UGT1A8: variants seen among roughly 807,000 people sequenced by gnomAD.
The protein encoded by UGT1A8 is UDP-glucuronosyltransferase 1A8.
Under a neutral mutation model 45.3 loss-of-function variants are expected in UGT1A8, and 39 were observed. That is an observed-to-expected ratio of 0.86 (90% confidence interval 0.67 to 1.12). The LOEUF (loss-of-function observed/expected upper bound fraction) is 1.12. Ranked by LOEUF, UGT1A8 falls within the 50% of genes most tolerant of loss-of-function variation. The pLI, the probability that UGT1A8 is intolerant of heterozygous loss-of-function variation, is 0.00. For synonymous variants in UGT1A8, 275 were observed against 249.2 expected, an observed-to-expected ratio of 1.10 and a Z score of -0.97; for missense variants, 719 against 664.9, an observed-to-expected ratio of 1.08 and a Z score of -0.90.
At position 233,713,306 on chromosome 2, in the gene UGT1A8, T is replaced by C. The variant is rs756011184; in HGVS notation, c.856-53728T>C. The C allele has an allele frequency of 9.9e-6, 16 of 1,614,116 alleles. No homozygotes were observed. In the African/African-American group the frequency reaches 1.7e-4, roughly 17 times the overall value. ...CTCAATCGTTCTTTGAAACAGAACA[T>C]CTTCTGATGAAATTTTCTAGAAGAA... On this transcript the variant is annotated intron_variant, in intron 1 of 4. Transcript: ENST00000373450.
chr2:233,648,726 A>G (rs1223975665), intron 1 of UGT1A8: 2 of 486,090 alleles, frequency 4.1e-6, no homozygotes, highest in Admixed American at 2.6e-5. Flanking sequence ...GGCCTCCCAA[A>G]GTGCTGGAAT....
At chr2:233,693,908 G>T in intron 1 of UGT1A8, 1 of 1,612,956 alleles carries the variant, frequency 6.2e-7, no homozygotes, top group South Asian at 1.1e-5. Context: ...TTTCTTCCAG[G>T]CTCTGTCCTC....
chr2:233,662,832 T>G (rs1321445887), intron 1 of UGT1A8, among the ~76,000 whole-genome samples: 2 of 145,300 alleles, frequency 1.4e-5, no homozygotes, highest in East Asian at 1.9e-4. Flanking sequence ...TTTTTTTTTT[T>G]GTCAGATATG....
At chr2:233,746,129 C>T (rs191765409) in intron 1 of UGT1A8, among the ~76,000 whole-genome samples, 2 of 151,948 alleles carry the variant, frequency 1.3e-5, no homozygotes, top group East Asian at 3.9e-4. Flanking sequence ...AAACTGTGGA[C>T]TGGCACCTGA....
chr2:233,742,472 C>T (rs1248700519), intron 1 of UGT1A8, among the ~76,000 whole-genome samples: 4 of 151,922 alleles, frequency 2.6e-5, no homozygotes. Flanking sequence ...TTCCAGTAAA[C>T]TCACAACCTT....
chr2:233,636,136 C>T (rs2073285100), intron 1 of UGT1A8, among the ~76,000 whole-genome samples: 1 of 150,918 alleles, frequency 6.6e-6, no homozygotes, highest in African/African-American at 2.5e-5. Flanking sequence ...TGGCTAAAGT[C>T]AAAATCTAAA....
chr2:233,672,589 T>C (rs1226858961), intron 1 of UGT1A8: 1 of 1,613,940 alleles, frequency 6.2e-7, no homozygotes, highest in South Asian at 1.1e-5. Context: ...GGAACATTTA[T>C]TATGCCACCG....
intron 1 of UGT1A8, chr2:233,719,315 G>A (rs768997881): frequency 1.2e-6 from 2 of 1,613,980 alleles, no homozygotes; most frequent in Non-Finnish European, 1.7e-6. Context: ...CTAAGTACCT[G>A]TCGATTCCTG....
rs1267611137 is a variant in UGT1A8 at position 233,724,759 on chromosome 2, C to T, written c.856-42275C>T. 1.5e-4 allele frequency among the ~76,000 whole-genome samples: 22 copies of T among 143,568 alleles called. 2 individuals are homozygous for T. Among genetic ancestry groups the T allele is most frequent in the East Asian group, 4.4e-4 (2 of 4,564 alleles). 94.2% of individuals were successfully genotyped at this position (143,568 alleles called of 152,430 possible). A position where few individuals can be genotyped will look rare whatever the true frequency, so the allele number is the denominator to read the frequency against. On this transcript the variant is annotated intron_variant, in intron 1 of 4. Transcript: ENST00000373450. ...GGCTCCTCACATCCCAGACGATGGG[C>T]GGCCAGGCAGAGACACTCCTCACTT... is the stretch of plus-strand genomic sequence containing the variant.
chr2:233,724,213 C>A (rs2077189704), intron 1 of UGT1A8, among the ~76,000 whole-genome samples: 1 of 128,892 alleles, frequency 7.8e-6, no homozygotes, highest in Non-Finnish European at 1.7e-5. Flanking sequence ...CTGAGGGGCT[C>A]CTCACTTCCC....
intron 4 of UGT1A8, 90 bp downstream of exon 4, chr2:233,768,529 G>A (rs1019700183): frequency 2.7e-6 from 4 of 1,508,186 alleles, no homozygotes; most frequent in Non-Finnish European, 3.5e-6. Flanking sequence ...GCATTTAATA[G>A]CGTTGTTTCA....
intron 1 of UGT1A8, among the ~76,000 whole-genome samples, chr2:233,740,527 G>T (rs1691411320): frequency 1.3e-5 from 2 of 151,834 alleles, no homozygotes; most frequent in African/African-American, 4.9e-5. Flanking sequence ...ACTAAAATCA[G>T]CTGTGTTGAA....
At position 233,623,712 on chromosome 2, in the gene UGT1A8, A is replaced by G. The variant is rs754971749; in HGVS notation, c.855+5150A>G. On this transcript the variant is annotated intron_variant, in intron 1 of 4. Coordinates refer to ENST00000373450, the MANE Select transcript of UGT1A8 (RefSeq NM_019076.5). ...CTTTCCATGTAGATCAATGGAATAG[A>G]ATGGAGAATTCAGAAATAAACCCAT... is the stretch of plus-strand genomic sequence containing the variant. 9.9e-5 allele frequency among the ~76,000 whole-genome samples: 15 copies of G among 152,272 alleles called. 1 individual carries two copies. In the South Asian group the frequency reaches 3.1e-3, roughly 32 times the overall value.
At chr2:233,735,490 G>T (rs1335131931) in intron 1 of UGT1A8, among the ~76,000 whole-genome samples, 1 of 152,096 alleles carries the variant, frequency 6.6e-6, no homozygotes, top group Non-Finnish European at 1.5e-5. Context: ...TTTTTTAATT[G>T]CAGCATTTAG....
chr2:233,621,486 G>T (rs2073006282), intron 1 of UGT1A8, among the ~76,000 whole-genome samples: 1 of 152,136 alleles, frequency 6.6e-6, no homozygotes. Context: ...CTAAGTTTCT[G>T]GCTCCAGTTT....
chr2:233,751,259 G>T (rs1355908720), intron 1 of UGT1A8, among the ~76,000 whole-genome samples: 1 of 151,926 alleles, frequency 6.6e-6, no homozygotes, highest in Non-Finnish European at 1.5e-5. Context: ...GGGGCCTGTA[G>T]CCCCCTTTTT....
At chr2:233,707,897 T>C (rs1272333206) in intron 1 of UGT1A8, among the ~76,000 whole-genome samples, 2 of 152,256 alleles carry the variant, frequency 1.3e-5, no homozygotes, top group Non-Finnish European at 1.5e-5. Context: ...GTTATGTACA[T>C]GACTGATTAT....
intron 1 of UGT1A8, among the ~76,000 whole-genome samples, chr2:233,735,070 G>A (rs572214554): frequency 1.3e-5 from 2 of 152,256 alleles, no homozygotes; most frequent in East Asian, 1.9e-4. Context: ...GGATATCCTT[G>A]TTAACCTTTG....
intron 1 of UGT1A8, among the ~76,000 whole-genome samples, chr2:233,665,656 C>A (rs934262573): frequency 1.3e-5 from 2 of 152,214 alleles, no homozygotes; most frequent in Non-Finnish European, 2.9e-5. Context: ...AGGCCCTTTG[C>A]TATCTGTAAT....
Sources: allele counts gnomAD v4.1 joint callset (sites outside exome capture counted in the v4.1 genomes callset), GRCh38; gene constraint gnomAD v4.1.1; transcripts MANE v1.5; gene names NCBI Gene and HGNC (gene_info 2026-07-23, HGNC 2026-07-21).